TXNL4B: variants seen among roughly 807,000 people sequenced by gnomAD.
The protein encoded by TXNL4B is thioredoxin-like protein 4B.
In TXNL4B, 12 loss-of-function variants were observed where a neutral mutation model predicts 13.0. That is an observed-to-expected ratio of 0.92 (90% CI 0.59 to 1.49). The LOEUF (loss-of-function observed/expected upper bound fraction) is 1.49. TXNL4B is among the 40% of genes most tolerant of loss of function. The pLI is 0.00. For synonymous variants in TXNL4B, 59 were observed against 58.9 expected (o/e 1.00, Z -0.01); for missense variants, 214 against 173.6 (o/e 1.23, Z -1.31).
chr16:72,091,041 A>C (rs889666085), intron 1 of TXNL4B, among the ~76,000 whole-genome samples: 1 of 152,174 alleles, frequency 6.6e-6, no homozygotes, highest in Non-Finnish European at 1.5e-5. Context: ...CATTCACCAA[A>C]AAATACAAAT....
rs571886800 is a variant in TXNL4B, at chr16:72,086,660, C to A, written c.427G>T (p.Asp143Tyr). 1.5e-5 allele frequency: 25 copies of A among 1,613,450 alleles called. No individual in the cohort carries two copies. The South Asian group carries it at 2.5e-4, about 16-fold the overall frequency. Reference protein sequence around the residue: ...PIDPKNIPKYDLLYQDI With the variant: ...PIDPKNIPKYYLLYQDI ...TACTAAATGTCTTGATAGAGAAGGT[C>A]ATATTTGGGAATATTCTTGGGATCA... The change falls in exon 4 of 4, where the codon GAC becomes TAC. Residue 143 changes from aspartate to tyrosine, a missense_variant. Asp to Tyr is a radical substitution (Grantham distance 160). Coordinates refer to ENST00000268483, the MANE Select transcript of TXNL4B (RefSeq NM_017853.3).
Position 72,089,045 on chromosome 16 carries a change from T to C in TXNL4B, c.226A>G (p.Ser76Gly), listed in dbSNP as rs777560550. ...AAAAAGACAGTAGATGGAATATAAC[T>C]GATGTCAAAATACTGTGTATAAACT... ...TAVYTQYFDISYIPSTVFFFN... is the reference protein window; with the variant it reads ...TAVYTQYFDIGYIPSTVFFFN... Residue 76 changes from serine (S) to glycine (G), a missense_variant, in exon 3 of 4, where the codon AGT (serine) becomes GGT (glycine). Physicochemically the swap from Ser to Gly is moderately conservative, Grantham distance 56. Transcript: ENST00000268483. The C allele has an allele frequency of 1.9e-6, 3 of 1,612,426 alleles. No homozygotes were observed. The highest frequency in any genetic ancestry group is 1.3e-5 in the African/African-American group (1 of 75,042).
At position 72,088,970 on chromosome 16, in the gene TXNL4B, A is replaced by C; in HGVS notation, c.284+17T>G. 1 of 1,576,526 alleles carries C rather than the reference A, an allele frequency of 6.3e-7. No homozygotes were observed. The highest frequency in any genetic ancestry group is 8.7e-7 in the Non-Finnish European group (1 of 1,154,496). ...AACTTACAAGGTTGCAATTAACTTCAGATCAACTGCACTTACCCATAATCC... is the reference window on the plus strand; with the variant it reads ...AACTTACAAGGTTGCAATTAACTTCCGATCAACTGCACTTACCCATAATCC... On this transcript the variant is annotated intron_variant, in intron 3 of 3. Coordinates refer to ENST00000268483, the MANE Select transcript of TXNL4B (RefSeq NM_017853.3).
rs575777834 is a variant in TXNL4B at position 72,085,071 on chromosome 16, G to C, written c.*1566C>G. 2 of 398,582 alleles carry C rather than the reference G, an allele frequency of 5.0e-6. No individual in the cohort carries two copies. The highest frequency in any genetic ancestry group is 8.8e-6 in the Non-Finnish European group (2 of 226,064). 24.7% of individuals were successfully genotyped at this position (398,582 alleles called of 1,614,324 possible). On this transcript the variant is annotated 3_prime_UTR_variant, in exon 4 of 4. Transcript: ENST00000268483. ...GAGACAGGAAGTGTACGATGGAAGA[G>C]GCCAGAGGTGATGGCCTCCTCCTCT...
chr16:72,090,848 A>G, intron 1 of TXNL4B, 62 bp from the exon 2 acceptor site: 4 of 1,391,376 alleles, frequency 2.9e-6, no homozygotes, highest in South Asian at 1.3e-5. Context: ...CTCATTAAAA[A>G]AAATTAATTC....
chr16:72,092,286 A>G lies in TXNL4B; in HGVS notation c.-38+1081T>C, dbSNP rs1403583291. 3.9e-5 allele frequency among the ~76,000 whole-genome samples: 6 copies of G among 152,170 alleles called. No homozygotes were observed. The East Asian group carries it at 1.2e-3, about 29-fold the overall frequency. ...TTAGCCGGGCGTGGTGGCAGATGCCACCTGTAATCCAAGCTACTCAGGAGG... is the reference window on the plus strand; with the variant it reads ...TTAGCCGGGCGTGGTGGCAGATGCCGCCTGTAATCCAAGCTACTCAGGAGG... On this transcript the variant is annotated intron_variant, in intron 1 of 3. Transcript: ENST00000268483.
chr16:72,088,379 T>G (rs1259199699), intron 3 of TXNL4B, among the ~76,000 whole-genome samples: 1 of 152,264 alleles, frequency 6.6e-6, no homozygotes, highest in Non-Finnish European at 1.5e-5. Context: ...GAATCATGGA[T>G]GCACCCAATC....
At chr16:72,089,752 C>T (rs2041875481) in intron 2 of TXNL4B, among the ~76,000 whole-genome samples, 1 of 152,222 alleles carries the variant, frequency 6.6e-6, no homozygotes, top group Non-Finnish European at 1.5e-5. Context: ...TATAACATTA[C>T]TATGTGGTAA....
At chr16:72,093,112 AG>A (rs940920865) in intron 1 of TXNL4B, among the ~76,000 whole-genome samples, 2 of 152,146 alleles carry the variant, frequency 1.3e-5, no homozygotes, top group Non-Finnish European at 2.9e-5. Flanking sequence ...CTGGAACCTC[AG>A]GCGCGCGCCA....
rs762905708 is a variant in TXNL4B, at chr16:72,090,690, A to C, written c.60T>G (p.Ser20Arg). 1.2e-6 allele frequency: 2 copies of C among 1,614,056 alleles called. No homozygotes were observed. The highest frequency in any genetic ancestry group is 8.5e-7 in the Non-Finnish European group (1 of 1,180,030). The change falls in exon 2 of 4, where the codon AGT becomes AGG. Residue 20 changes from serine (S) to arginine (R), a missense_variant. Transcript: ENST00000268483. Reference sequence around the variant, plus strand: ...TGAGAACCAACACCTTCTCAGCAGTACTTTTTATCGCCTGGTCTACTTCCT... The same window carrying C: ...TGAGAACCAACACCTTCTCAGCAGTCCTTTTTATCGCCTGGTCTACTTCCT... Reference protein sequence around the residue: ...SKKEVDQAIKSTAEKVLVLRF... With the variant: ...SKKEVDQAIKRTAEKVLVLRF...
intron 3 of TXNL4B, among the ~76,000 whole-genome samples, chr16:72,087,084 A>T (rs966271798): frequency 6.6e-6 from 1 of 152,198 alleles, no homozygotes; most frequent in Non-Finnish European, 1.5e-5. Context: ...TTCTCAAATC[A>T]TCAAGCAGAT....
At position 72,086,614 on chromosome 16, in the gene TXNL4B, C is replaced by T. The variant is rs745454319; in HGVS notation, c.*23G>A. The T allele has an allele frequency of 6.3e-7, 1 of 1,598,808 alleles. No individual in the cohort carries two copies. The highest frequency in any genetic ancestry group is 1.7e-5 in the Admixed American group (1 of 59,746). ...CTGTGTCAAGATGTGCCTTCTTCTTCATCTTTGACAGCAATTAATGTACTA... is the reference window on the plus strand; with the variant it reads ...CTGTGTCAAGATGTGCCTTCTTCTTTATCTTTGACAGCAATTAATGTACTA... On this transcript the variant is annotated 3_prime_UTR_variant, in exon 4 of 4. Transcript: ENST00000268483.
intron 2 of TXNL4B, among the ~76,000 whole-genome samples, chr16:72,090,378 A>G (rs2041886839): frequency 6.6e-6 from 1 of 152,068 alleles, no homozygotes; most frequent in African/African-American, 2.4e-5. Flanking sequence ...CTGCTCTTCC[A>G]TCACCTTGTT....
In TXNL4B at chr16:72,087,129, T is replaced by C. The variant is rs115583406; in HGVS notation, c.285-327A>G. ...TGTTGGAGTGCACATTGTTTCTTCG[T>C]TTGCTGTTGTTGCTTTTGCCTGGGC... On this transcript the variant is annotated intron_variant, in intron 3 of 3. Coordinates refer to ENST00000268483, the MANE Select transcript of TXNL4B (RefSeq NM_017853.3). 2.9e-3 allele frequency among the ~76,000 whole-genome samples: 448 copies of C among 152,344 alleles called. 3 individuals are homozygous for C. Among genetic ancestry groups the C allele is most frequent in the African/African-American group, 0.011 (439 of 41,580 alleles).
upstream of TXNL4B, chr16:72,093,765 G>C (rs552705639): frequency 1.3e-5 from 2 of 152,416 alleles, no homozygotes; most frequent in Non-Finnish European, 2.9e-5. Flanking sequence ...TAGGCTAAGA[G>C]TGATTGGTCA....
chr16:72,091,621 G>T (rs999837429), intron 1 of TXNL4B, among the ~76,000 whole-genome samples: 3 of 152,204 alleles, frequency 2.0e-5, no homozygotes, highest in Admixed American at 6.5e-5. Context: ...CATATTCTCT[G>T]TCATGGCAGC....
chr16:72,092,838 G>T (rs1326148203), intron 1 of TXNL4B, among the ~76,000 whole-genome samples: 1 of 152,156 alleles, frequency 6.6e-6, no homozygotes, highest in Non-Finnish European at 1.5e-5. Flanking sequence ...AGTAAGCAAA[G>T]AAAAGCAAAT....
In TXNL4B at chr16:72,090,774, C is replaced by T. The variant is rs1177792139; in HGVS notation, c.-25G>A. On this transcript the variant is annotated 5_prime_UTR_variant, in exon 2 of 4. Transcript: ENST00000268483. ...TCTTGAAATAACCCAAATGTGAATC[C>T]TCACTGTCACTCCTGAAATAAAGGT... The T allele has an allele frequency of 6.2e-7, 1 of 1,613,264 alleles. No homozygotes were observed. Among genetic ancestry groups the T allele is most frequent in the Non-Finnish European group, 8.5e-7 (1 of 1,179,738 alleles).
intron 1 of TXNL4B, among the ~76,000 whole-genome samples, chr16:72,092,048 G>A (rs986248105): frequency 6.6e-6 from 1 of 152,162 alleles, no homozygotes; most frequent in Admixed American, 6.5e-5. Flanking sequence ...GAGATGGTCG[G>A]TATTTTGAAT....
Sources: gnomAD v4.1 joint callset for allele counts (sites outside exome capture counted in the v4.1 genomes callset) on GRCh38, gnomAD v4.1.1 for gene constraint, MANE v1.5 for transcripts, NCBI Gene and HGNC (gene_info 2026-07-23, HGNC 2026-07-21) for gene names.